TNR: variants seen among roughly 807,000 people sequenced by gnomAD.
TNR encodes the protein tenascin-R.
TNR carries 45 observed loss-of-function variants against 150.4 expected under a neutral mutation model. The observed-to-expected ratio is 0.30, with a 90% confidence interval of 0.24 to 0.38. The LOEUF is 0.38. Among genes scored for constraint, TNR ranks in the 10% least tolerant of loss-of-function variants. The pLI, the probability that TNR is intolerant of heterozygous loss-of-function variation, is 1.00. For synonymous variants in TNR, 687 were observed against 678.4 expected (o/e 1.01, Z -0.20); for missense variants, 1,544 against 1,759.1 (o/e 0.88, Z 2.19).
chr1:175,473,218 T>A (rs859411), intron 2 of TNR, among the ~76,000 whole-genome samples: 2,306 of 152,246 alleles, frequency 0.015, 58 homozygotes, highest in African/African-American at 0.052. Context: ...AGGCACAAGA[T>A]CTCTTCATAC....
intron 2 of TNR, among the ~76,000 whole-genome samples, chr1:175,502,012 C>T (rs976841899): frequency 6.6e-6 from 1 of 152,056 alleles, no homozygotes; most frequent in South Asian, 2.1e-4. Context: ...TTTGAGCAGT[C>T]GGGGTGGGGG....
chr1:175,563,287 G>T (rs543680104), intron 1 of TNR, among the ~76,000 whole-genome samples: 1 of 152,330 alleles, frequency 6.6e-6, no homozygotes, highest in South Asian at 2.1e-4. Flanking sequence ...ATGAACACAG[G>T]CTATGATTCA....
intron 1 of TNR, among the ~76,000 whole-genome samples, chr1:175,720,303 T>C (rs778231050): frequency 6.6e-6 from 1 of 152,202 alleles, no homozygotes; most frequent in African/African-American, 2.4e-5. Context: ...ACTGACAAGT[T>C]GATCATCTGC....
At chr1:175,621,761 C>G (rs567400087) in intron 1 of TNR, among the ~76,000 whole-genome samples, 9 of 152,304 alleles carry the variant, frequency 5.9e-5, no homozygotes, top group African/African-American at 1.2e-4. Flanking sequence ...CATCTTATAC[C>G]TTCTCTAAGC....
chr1:175,337,714 C>A, intron 18 of TNR, 35 bp from the exon 19 acceptor site: 1 of 1,609,200 alleles, frequency 6.2e-7, no homozygotes, highest in South Asian at 1.1e-5. Flanking sequence ...AGAAAGGATT[C>A]TTTCTCTCAC....
intron 1 of TNR, among the ~76,000 whole-genome samples, chr1:175,562,567 G>A (rs941162155): frequency 2.3e-4 from 35 of 152,372 alleles, no homozygotes; most frequent in African/African-American, 8.4e-4. Context: ...GAATGACTAA[G>A]CAAGGGAGAA....
intron 4 of TNR, among the ~76,000 whole-genome samples, chr1:175,397,128 T>C (rs933574201): frequency 1.3e-5 from 2 of 152,206 alleles, no homozygotes; most frequent in African/African-American, 4.8e-5. Context: ...TATAACCTAA[T>C]ACTTAAGTAA....
chr1:175,553,475 TTCACAACTCTA>T (rs1558002734), intron 1 of TNR, among the ~76,000 whole-genome samples: 1 of 152,194 alleles, frequency 6.6e-6, no homozygotes, highest in Non-Finnish European at 1.5e-5. Flanking sequence ...CTAAAACCAC[TTCACAACTCTA>T]TCCACCACAT....
In TNR at chr1:175,356,446, G is replaced by A. The variant is rs1351898155; in HGVS notation, c.2991C>T (p.Ile997=). The A allele has an allele frequency of 1.9e-6, 3 of 1,613,996 alleles. No homozygotes were observed. Among genetic ancestry groups the A allele is most frequent in the Non-Finnish European group, 2.5e-6 (3 of 1,179,904 alleles). ...LTHFAVAGET[I]LVDGVSEEFR... ...ATTCCTCACTGACTCCGTCAACAAGGATGGTCTCTCCAGCGACTGAACTCA... is the reference window on the plus strand; with the variant it reads ...ATTCCTCACTGACTCCGTCAACAAGAATGGTCTCTCCAGCGACTGAACTCA... The change falls in exon 16 of 23, where the codon ATC becomes ATT. Residue 997 remains isoleucine (I), a synonymous_variant. Coordinates refer to ENST00000367674, the MANE Select transcript of TNR (RefSeq NM_003285.3).
Position 175,347,152 on chromosome 1 carries a change from G to A in TNR, c.3382+7239C>T, listed in dbSNP as rs189210365. Reference sequence around the variant, plus strand: ...CTCTAAGGATTGTAATTAATATATCGAGAAAGAAGCTATTAATATAACTCA... The same window carrying A: ...CTCTAAGGATTGTAATTAATATATCAAGAAAGAAGCTATTAATATAACTCA... On this transcript the variant is annotated intron_variant, in intron 18 of 22. Transcript: ENST00000367674. 1.6e-3 allele frequency among the ~76,000 whole-genome samples: 244 copies of A among 151,992 alleles called. 2 individuals carry two copies. Among genetic ancestry groups the A allele is most frequent in the Non-Finnish European group, 2.8e-3 (188 of 67,968 alleles).
intron 1 of TNR, among the ~76,000 whole-genome samples, chr1:175,653,091 G>A (rs1356637771): frequency 3.3e-5 from 5 of 152,194 alleles, no homozygotes; most frequent in African/African-American, 1.2e-4. Flanking sequence ...AGGGCACAGC[G>A]ACTCTGGAGA....
intron 2 of TNR, among the ~76,000 whole-genome samples, chr1:175,412,999 C>G (rs1654278251): frequency 6.6e-6 from 1 of 152,168 alleles, no homozygotes; most frequent in Admixed American, 6.5e-5. Flanking sequence ...AGAATGCTGA[C>G]TGTTCTGCAG....
chr1:175,329,010 G>A (rs998048632), intron 21 of TNR, among the ~76,000 whole-genome samples: 1 of 152,212 alleles, frequency 6.6e-6, no homozygotes, highest in Admixed American at 6.5e-5. Flanking sequence ...GGCAAATTGG[G>A]CCTTTTGTTG....
intron 3 of TNR, among the ~76,000 whole-genome samples, chr1:175,405,401 A>G (rs1446005262): frequency 2.0e-5 from 3 of 152,240 alleles, no homozygotes; most frequent in African/African-American, 2.4e-5. Flanking sequence ...CAGTAGAGCC[A>G]GGATCTGAAC....
At chr1:175,678,034 G>A (rs575811937) in intron 1 of TNR, among the ~76,000 whole-genome samples, 87 of 151,832 alleles carry the variant, frequency 5.7e-4, no homozygotes, top group African/African-American at 2.0e-3. Context: ...TAAAGAAAAA[G>A]CTGTTCCTAA....
chr1:175,336,789 T>C (rs891496559), intron 19 of TNR, among the ~76,000 whole-genome samples: 1 of 152,214 alleles, frequency 6.6e-6, no homozygotes, highest in African/African-American at 2.4e-5. Flanking sequence ...GGGCCTCATC[T>C]GCTTTCCCAA....
intron 2 of TNR, among the ~76,000 whole-genome samples, chr1:175,476,358 C>A (rs1296957155): frequency 2.0e-5 from 3 of 152,188 alleles, no homozygotes; most frequent in African/African-American, 7.2e-5. Flanking sequence ...GGCAAAAGTA[C>A]TTTCCTAGCT....
At chr1:175,465,853 G>A (rs1657012260) in intron 2 of TNR, among the ~76,000 whole-genome samples, 1 of 152,216 alleles carries the variant, frequency 6.6e-6, no homozygotes, top group Non-Finnish European at 1.5e-5. Flanking sequence ...AAGCAGACCT[G>A]CTGGTTAATG....
chr1:175,696,070 T>C (rs1666507584), intron 1 of TNR, among the ~76,000 whole-genome samples: 2 of 152,160 alleles, frequency 1.3e-5, no homozygotes, highest in African/African-American at 4.8e-5. Context: ...CATTTCAGGA[T>C]TGTGCTTCTA....
Sources: gnomAD v4.1 joint callset for allele counts (sites outside exome capture counted in the v4.1 genomes callset) on GRCh38, gnomAD v4.1.1 for gene constraint, MANE v1.5 for transcripts, NCBI Gene and HGNC (gene_info 2026-07-23, HGNC 2026-07-21) for gene names.